COPG2: variants seen among roughly 807,000 people sequenced by gnomAD.
COPG2 encodes coat protein complex I subunit gamma 2.
Under a neutral mutation model 46.3 loss-of-function variants are expected in COPG2, and 37 were observed. The observed-to-expected ratio is 0.80, with a 90% CI of 0.61 to 1.05. The LOEUF is 1.05. COPG2 is among the 50% of genes least tolerant of loss of function. The probability of loss-of-function intolerance (pLI) is 0.00; values close to 1 mark genes in which losing one functional copy is unlikely to be tolerated. For synonymous variants in COPG2, 159 were observed against 129.7 expected, an observed-to-expected ratio of 1.23 and a Z score of -1.53; for missense variants, 427 against 387.8, an observed-to-expected ratio of 1.10 and a Z score of -0.85.
chr7:130,605,712 G>A (rs1174076469), intron 9 of COPG2: 2 of 519,206 alleles, frequency 3.9e-6, no homozygotes, highest in Non-Finnish European at 7.7e-6. Context: ...TTTGGCCAAC[G>A]ACTTAAATGA....
intron 20 of COPG2, among the ~76,000 whole-genome samples, chr7:130,531,454 A>C (rs1799824266): frequency 6.6e-6 from 1 of 151,990 alleles, no homozygotes; most frequent in African/African-American, 2.4e-5. Context: ...GTGGTGATTA[A>C]GGAAAAGGGA....
rs1030867355 is a variant in COPG2 at position 130,564,400 on chromosome 7, A to G, written c.738-7T>C. ...AAACAGTGGACTTTCATGGCTGCCA[A>G]TAAATATTTATAGGCCATTATTTAG... On this transcript the variant is annotated splice_polypyrimidine_tract_variant and splice_region_variant and intron_variant, in intron 9 of 23. Transcript: ENST00000425248. 5.0e-6 allele frequency: 2 copies of G among 398,480 alleles called. No individual in the cohort carries two copies. The highest frequency in any genetic ancestry group is 2.1e-5 in the African/African-American group (1 of 48,636). 24.7% of individuals were successfully genotyped at this position (398,480 alleles called of 1,614,324 possible). A position where few individuals can be genotyped will look rare whatever the true frequency, so the allele number is the denominator to read the frequency against.
rs782336780 is a variant in COPG2 at position 130,608,267 on chromosome 7, A to G, written c.737+2686T>C. The stretch of plus-strand genomic sequence containing the variant: ...TCTCCCTCATGCCCTTTATACTACT[A>G]TTTTCATATATTTCACTTCTACATA... On this transcript the variant is annotated intron_variant, in intron 9 of 23. Coordinates refer to ENST00000425248, the MANE Select transcript of COPG2 (RefSeq NM_012133.6). The G allele has an allele frequency of 2.2e-4, 95 of 431,316 alleles. 1 individual carries two copies. Among genetic ancestry groups the G allele is most frequent in the South Asian group, 1.6e-3 (90 of 55,794 alleles). 26.7% of individuals were successfully genotyped at this position (431,316 alleles called of 1,614,324 possible). A position where few individuals can be genotyped will look rare whatever the true frequency, so the allele number is the denominator to read the frequency against.
At chr7:130,582,280 A>T (rs1794165469) in intron 9 of COPG2, among the ~76,000 whole-genome samples, 1 of 148,484 alleles carries the variant, frequency 6.7e-6, no homozygotes, top group Non-Finnish European at 1.5e-5. Flanking sequence ...GTGCTGGGAA[A>T]ACTGGCTAGC....
At chr7:130,553,761 A>G (rs1225695789) in intron 14 of COPG2, among the ~76,000 whole-genome samples, 1 of 152,210 alleles carries the variant, frequency 6.6e-6, no homozygotes, top group Non-Finnish European at 1.5e-5. Context: ...GGTGCTGGAA[A>G]GAGGAGCTCT....
intron 5 of COPG2, among the ~76,000 whole-genome samples, chr7:130,618,265 G>A (rs1554453192): frequency 6.6e-6 from 1 of 152,040 alleles, no homozygotes; most frequent in Non-Finnish European, 1.5e-5. Context: ...TGCCAGCAAT[G>A]GGGAGCCCTG....
intron 9 of COPG2, among the ~76,000 whole-genome samples, chr7:130,598,456 A>G (rs1794571014): frequency 1.3e-5 from 2 of 152,180 alleles, no homozygotes; most frequent in South Asian, 4.1e-4. Flanking sequence ...CTCTCCATCT[A>G]AGGCCCAGAT....
At chr7:130,523,589 G>C (rs1799746258) in intron 20 of COPG2, among the ~76,000 whole-genome samples, 1 of 152,176 alleles carries the variant, frequency 6.6e-6, no homozygotes, top group Non-Finnish European at 1.5e-5. Flanking sequence ...CCAGGACAAG[G>C]ATGACAGCTA....
At chr7:130,600,119 A>C (rs1195721956) in intron 9 of COPG2, among the ~76,000 whole-genome samples, 1 of 152,228 alleles carries the variant, frequency 6.6e-6, no homozygotes, top group Non-Finnish European at 1.5e-5. Flanking sequence ...AGAGATCAAG[A>C]GGACTTAGTT....
intron 3 of COPG2, among the ~76,000 whole-genome samples, chr7:130,665,549 CACA>C (rs782591626): frequency 2.6e-5 from 4 of 151,990 alleles, no homozygotes; most frequent in African/African-American, 4.8e-5. Flanking sequence ...AACAATACAG[CACA>C]ACAACTATTT....
At chr7:130,553,382 G>GT (rs1469022495) in intron 14 of COPG2, among the ~76,000 whole-genome samples, 2 of 151,422 alleles carry the variant, frequency 1.3e-5, no homozygotes, top group Non-Finnish European at 2.9e-5. Flanking sequence ...CAGGATATAT[G>GT]TGAGTCTAGA....
intron 5 of COPG2, among the ~76,000 whole-genome samples, chr7:130,632,238 TTC>T (rs1795247664): frequency 6.6e-6 from 1 of 152,254 alleles, no homozygotes; most frequent in South Asian, 2.1e-4. Flanking sequence ...GGATATGGTA[TTC>T]TGAGTCATCA....
At chr7:130,625,470 T>G (rs1795102686) in intron 5 of COPG2, among the ~76,000 whole-genome samples, 1 of 152,076 alleles carries the variant, frequency 6.6e-6, no homozygotes, top group Non-Finnish European at 1.5e-5. Context: ...CTTGCTGTGG[T>G]TCCTGATCTT....
At chr7:130,623,452 T>C (rs1030944406) in intron 5 of COPG2, among the ~76,000 whole-genome samples, 2 of 152,210 alleles carry the variant, frequency 1.3e-5, no homozygotes, top group African/African-American at 4.8e-5. Context: ...ACCATGCTGT[T>C]TTAATTGTAC....
chr7:130,654,042 G>C (rs567421652), intron 4 of COPG2, among the ~76,000 whole-genome samples: 1 of 151,938 alleles, frequency 6.6e-6, no homozygotes, highest in Non-Finnish European at 1.5e-5. Flanking sequence ...CAAAAAATGG[G>C]GGCTCAACAT....
intron 16 of COPG2, among the ~76,000 whole-genome samples, chr7:130,550,941 A>G (rs1793528069): frequency 6.6e-6 from 1 of 152,220 alleles, no homozygotes; most frequent in African/African-American, 2.4e-5. Flanking sequence ...ATGATAGCAT[A>G]AGAAAACGGG....
At chr7:130,666,786 C>T (rs1282588938) in intron 3 of COPG2, 63 bp downstream of exon 3, 1 of 733,498 alleles carries the variant, frequency 1.4e-6, no homozygotes, top group African/African-American at 1.8e-5. Context: ...GAAAGTATTT[C>T]ACTGAATCTT....
intron 9 of COPG2, among the ~76,000 whole-genome samples, chr7:130,577,153 T>C (rs1253364328): frequency 2.0e-5 from 3 of 152,002 alleles, no homozygotes; most frequent in African/African-American, 7.3e-5. Context: ...TCCAGAATGA[T>C]TGAGAAGGAG....
intron 6 of COPG2, among the ~76,000 whole-genome samples, chr7:130,614,853 C>T (rs149600592): frequency 6.6e-6 from 1 of 152,300 alleles, no homozygotes; most frequent in African/African-American, 2.4e-5. Context: ...TAAAACTCTC[C>T]TCAGACAGAT....
Sources: gnomAD v4.1 joint callset for allele counts (sites outside exome capture counted in the v4.1 genomes callset) on GRCh38, gnomAD v4.1.1 for gene constraint, MANE v1.5 for transcripts, NCBI Gene and HGNC (gene_info 2026-07-23, HGNC 2026-07-21) for gene names.